EXOC2: variants seen among roughly 807,000 people sequenced by gnomAD.
The protein encoded by EXOC2 is exocyst complex component 2, also known as SEC5-like 1.
A neutral mutation model predicts 131.8 loss-of-function variants in EXOC2; 70 were observed. The observed-to-expected ratio is 0.53, with a 90% CI of 0.44 to 0.65. The LOEUF (loss-of-function observed/expected upper bound fraction) is 0.65, where lower values mean the gene tolerates loss of function less well. Ranked by LOEUF, EXOC2 falls within the 30% of genes least tolerant of loss-of-function variation. The pLI, the probability that EXOC2 is intolerant of heterozygous loss-of-function variation, is 0.00. For synonymous variants in EXOC2, 411 were observed against 398.4 expected, an observed-to-expected ratio of 1.03 and a Z score of -0.38; for missense variants, 923 against 1,108.6, an observed-to-expected ratio of 0.83 and a Z score of 2.38.
rs1561785408 is a variant in EXOC2 at position 501,147 on chromosome 6, T to TTATATATATC, written c.2381-1457_2381-1448dup. Among the ~76,000 whole-genome samples, 15 of 47,914 alleles carry TTATATATATC rather than the reference T, an allele frequency of 3.1e-4. 4 individuals carry two copies. Among genetic ancestry groups the TTATATATATC allele is most frequent in the Admixed American group, 7.7e-4 (2 of 2,600 alleles). The allele number at this position is 47,914 out of a possible 152,430, so 31.4% of individuals were successfully genotyped here. A position where few individuals can be genotyped will look rare whatever the true frequency, so the allele number is the denominator to read the frequency against. ...TATATATTATATATATCTATATATA[T>TTATATATATC]TATATATATCTATATATATTATATA... On this transcript the variant is annotated intron_variant, in intron 23 of 27. Transcript: ENST00000230449.
chr6:645,473 AAAAT>A (rs781419261), intron 1 of EXOC2, among the ~76,000 whole-genome samples: 209 of 152,310 alleles, frequency 1.4e-3, no homozygotes, highest in Non-Finnish European at 2.6e-3. Flanking sequence ...TTATCAAGAG[AAAAT>A]AAATAGGCAA....
At chr6:502,273 G>T (rs1472899978) in intron 23 of EXOC2, among the ~76,000 whole-genome samples, 2 of 152,190 alleles carry the variant, frequency 1.3e-5, no homozygotes, top group East Asian at 1.9e-4. Context: ...CAACACTCCT[G>T]CAAGAACAAG....
intron 11 of EXOC2, among the ~76,000 whole-genome samples, chr6:592,122 A>G (rs1015193968): frequency 4.6e-5 from 7 of 152,038 alleles, no homozygotes. Context: ...ATGTCTTACT[A>G]GCGATGGGTG....
Position 592,501 on chromosome 6 carries a change from C to A in EXOC2, c.1160G>T (p.Ser387Ile). 1 of 1,614,002 alleles carries A rather than the reference C, an allele frequency of 6.2e-7. No homozygotes were observed. The highest frequency in any genetic ancestry group is 1.1e-5 in the South Asian group (1 of 91,080). Reference sequence around the variant, plus strand: ...ATCTTTCACGTAGCCCTCTTTGCAACTGTGCATGAGCTGAAGGATCCACTT... The same window carrying A: ...ATCTTTCACGTAGCCCTCTTTGCAAATGTGCATGAGCTGAAGGATCCACTT... ...QHKWILQLMHSCKEGYVKDLK... is the reference protein window; with the variant it reads ...QHKWILQLMHICKEGYVKDLK... Residue 387 changes from serine to isoleucine, a missense_variant, in exon 11 of 28, where the codon AGT becomes ATT. Coordinates refer to ENST00000230449, the MANE Select transcript of EXOC2 (RefSeq NM_018303.6).
chr6:517,061 C>G (rs1765199717), intron 23 of EXOC2, among the ~76,000 whole-genome samples: 1 of 152,108 alleles, frequency 6.6e-6, no homozygotes, highest in African/African-American at 2.4e-5. Context: ...CACAGCCCGC[C>G]CAGCTGTAGA....
intron 23 of EXOC2, among the ~76,000 whole-genome samples, chr6:530,087 C>T (rs1274118033): frequency 5.3e-5 from 8 of 152,158 alleles, no homozygotes; most frequent in Non-Finnish European, 1.0e-4. Flanking sequence ...TCACAAAGGA[C>T]AAGAAAATGA....
intron 1 of EXOC2, among the ~76,000 whole-genome samples, chr6:681,338 A>G (rs1764393413): frequency 6.6e-6 from 1 of 152,198 alleles, no homozygotes; most frequent in Non-Finnish European, 1.5e-5. Context: ...TTCAAATCTG[A>G]CCTTTAACTG....
chr6:690,449 G>A (rs1490140661), intron 1 of EXOC2, among the ~76,000 whole-genome samples: 1 of 152,160 alleles, frequency 6.6e-6, no homozygotes, highest in Non-Finnish European at 1.5e-5. Flanking sequence ...AGGGGTTCAC[G>A]CCTGTAATCC....
At position 485,511 on chromosome 6, in the gene EXOC2, C is replaced by T. The variant is rs978175452; in HGVS notation, c.*1160G>A. ...AATAACCATAGAAAAACTTGAAAAC[C>T]CTGACAAGCCGACTACAAAGAGAAT... On this transcript the variant is annotated 3_prime_UTR_variant, in exon 28 of 28. Transcript: ENST00000230449. 1.3e-5 allele frequency: 2 copies of T among 151,888 alleles called. No homozygotes were observed. The highest frequency in any genetic ancestry group is 2.1e-4 in the South Asian group (1 of 4,798). The allele number at this position is 151,888 out of a possible 1,614,324, so 9.4% of individuals were successfully genotyped here.
At position 577,355 on chromosome 6, in the gene EXOC2, T is replaced by C. The variant is rs545003673; in HGVS notation, c.1193-473A>G. Among the ~76,000 whole-genome samples, 21 of 152,192 alleles carry C rather than the reference T, an allele frequency of 1.4e-4. No individual in the cohort carries two copies. The South Asian group carries it at 4.4e-3, about 32-fold the overall frequency. On this transcript the variant is annotated intron_variant, in intron 11 of 27. Coordinates refer to ENST00000230449, the MANE Select transcript of EXOC2 (RefSeq NM_018303.6). ...GATGCCAGTCATCTAGTGTGGATCC[T>C]TTTCACCTCACACTTCATATGCCAG...
At chr6:573,218 T>C (rs1758384914) in intron 12 of EXOC2, among the ~76,000 whole-genome samples, 1 of 152,206 alleles carries the variant, frequency 6.6e-6, no homozygotes, top group Non-Finnish European at 1.5e-5. Context: ...TGAAACCTCT[T>C]TGGCTATACA....
At chr6:641,500 C>T (rs1321511968) in intron 1 of EXOC2, among the ~76,000 whole-genome samples, 2 of 152,164 alleles carry the variant, frequency 1.3e-5, no homozygotes, top group African/African-American at 4.8e-5. Flanking sequence ...AAACCAACCT[C>T]CTGTGGAGAG....
chr6:530,475 A>G (rs1056912422), intron 23 of EXOC2, among the ~76,000 whole-genome samples: 1 of 152,208 alleles, frequency 6.6e-6, no homozygotes, highest in Admixed American at 6.5e-5. Context: ...GCGGGCACAG[A>G]GAGTGGCAAG....
chr6:575,026 C>G (rs113951806), intron 12 of EXOC2, among the ~76,000 whole-genome samples: 1 of 152,228 alleles, frequency 6.6e-6, no homozygotes, highest in African/African-American at 2.4e-5. Context: ...TGCCTTTGAT[C>G]GATTTGGATG....
intron 19 of EXOC2, among the ~76,000 whole-genome samples, chr6:555,730 G>A (rs1302290393): frequency 6.6e-6 from 1 of 152,138 alleles, no homozygotes; most frequent in African/African-American, 2.4e-5. Flanking sequence ...ACACAAAAAA[G>A]GGGAGCATAA....
At chr6:646,906 A>G (rs1269496669) in intron 1 of EXOC2, among the ~76,000 whole-genome samples, 1 of 152,234 alleles carries the variant, frequency 6.6e-6, no homozygotes, top group Non-Finnish European at 1.5e-5. Flanking sequence ...GCAAAGGCAT[A>G]TTTCAACACA....
rs1238100047 is a variant in EXOC2, at chr6:667,527, G to A, written c.-44+25492C>T. 1.7e-4 allele frequency among the ~76,000 whole-genome samples: 17 copies of A among 97,154 alleles called. 5 individuals are homozygous for A. The highest frequency in any genetic ancestry group is 5.2e-4 in the African/African-American group (17 of 32,546). The allele number at this position is 97,154 out of a possible 152,430, so 63.7% of individuals were successfully genotyped here. The stretch of plus-strand genomic sequence containing the variant: ...CATTGTGAGCAGGCACCACAAAGCC[G>A]CTGAGGGTCTTGATCAAAGAAAAAG... On this transcript the variant is annotated intron_variant, in intron 1 of 27. Transcript: ENST00000230449.
At chr6:610,776 C>G (rs1410709864) in intron 6 of EXOC2, among the ~76,000 whole-genome samples, 1 of 152,206 alleles carries the variant, frequency 6.6e-6, no homozygotes, top group Admixed American at 6.5e-5. Flanking sequence ...CTCTCTGCTC[C>G]TTTTAGTTTC....
intron 11 of EXOC2, among the ~76,000 whole-genome samples, chr6:589,863 T>C (rs558584765): frequency 3.9e-5 from 6 of 152,096 alleles, no homozygotes; most frequent in Non-Finnish European, 8.8e-5. Flanking sequence ...TCCCAGCACT[T>C]TGGGAGGCCG....
Sources: gnomAD v4.1 joint callset for allele counts (sites outside exome capture counted in the v4.1 genomes callset) on GRCh38, gnomAD v4.1.1 for gene constraint, MANE v1.5 for transcripts, NCBI Gene and HGNC (gene_info 2026-07-23, HGNC 2026-07-21) for gene names.